Variants in KCNH1 observed in about 807,000 individuals in gnomAD.
KCNH1 encodes potassium voltage-gated channel subfamily H member 1, also known as voltage-gated delayed rectifier potassium channel KCNH1.
Under a neutral mutation model 69.2 loss-of-function variants are expected in KCNH1, and 27 were observed. The ratio of observed to expected loss-of-function variants is 0.39; its 90% CI spans 0.29 to 0.54. The LOEUF (loss-of-function observed/expected upper bound fraction) is 0.54, where lower values mean the gene tolerates loss of function less well. Among genes scored for constraint, KCNH1 ranks in the 20% least tolerant of loss-of-function variants. The pLI is 0.68. For missense variants in KCNH1, 798 were observed against 1,261.6 expected (o/e 0.63, Z 5.57); for synonymous variants, 456 against 487.7 (o/e 0.93, Z 0.86).
At chr1:210,800,345 C>T (rs1003306424) in intron 8 of KCNH1, among the ~76,000 whole-genome samples, 3 of 152,242 alleles carry the variant, frequency 2.0e-5, no homozygotes, top group Middle Eastern at 3.2e-3. Context: ...GGAGCACTCA[C>T]ACGCCATGTC....
chr1:210,736,314 C>T (rs1212583059), intron 10 of KCNH1, among the ~76,000 whole-genome samples: 5 of 151,982 alleles, frequency 3.3e-5, no homozygotes, highest in Non-Finnish European at 7.4e-5. Context: ...CTTGGGAGGC[C>T]GAGACAGGTG....
At chr1:210,837,453 AATAGGG>A (rs1301402136) in intron 7 of KCNH1, among the ~76,000 whole-genome samples, 1 of 152,220 alleles carries the variant, frequency 6.6e-6, no homozygotes, top group Non-Finnish European at 1.5e-5. Flanking sequence ...CCTGGCACAT[AATAGGG>A]ACTCAGCAAA....
chr1:210,973,646 T>C (rs923438475), intron 6 of KCNH1, among the ~76,000 whole-genome samples: 2 of 152,160 alleles, frequency 1.3e-5, no homozygotes, highest in Admixed American at 6.6e-5. Context: ...GTAGGTATAG[T>C]ATATATAATT....
chr1:210,771,132 A>G (rs1683745529), intron 10 of KCNH1, among the ~76,000 whole-genome samples: 1 of 152,246 alleles, frequency 6.6e-6, no homozygotes, highest in Non-Finnish European at 1.5e-5. Context: ...GATTACAGAC[A>G]CAAGATGATT....
At chr1:211,077,102 G>A (rs1690747416) in intron 5 of KCNH1, among the ~76,000 whole-genome samples, 1 of 152,146 alleles carries the variant, frequency 6.6e-6, no homozygotes, top group Non-Finnish European at 1.5e-5. Context: ...AAGAAATATG[G>A]CACTATGTGA....
intron 6 of KCNH1, among the ~76,000 whole-genome samples, chr1:210,997,303 A>G (rs905172604): frequency 1.3e-5 from 2 of 152,222 alleles, no homozygotes; most frequent in African/African-American, 2.4e-5. Context: ...TAACCAACGC[A>G]GAGAAGTCCT....
chr1:210,825,447 T>TA lies in KCNH1; in HGVS notation c.1463-21282dup, dbSNP rs1340198956. Among the ~76,000 whole-genome samples, 4 of 152,352 alleles carry TA rather than the reference T, an allele frequency of 2.6e-5. No homozygotes were observed. In the East Asian group the frequency reaches 7.7e-4, roughly 29 times the overall value. On this transcript the variant is annotated intron_variant, in intron 7 of 10. Coordinates refer to ENST00000271751, the MANE Select transcript of KCNH1 (RefSeq NM_172362.3). ...CAGTGAAGAATACAGTGACTACTAA[T>TA]ACAGTTTGAAACTGCCTTAATTCAT...
intron 6 of KCNH1, among the ~76,000 whole-genome samples, chr1:210,945,019 C>T (rs138529653): frequency 3.3e-5 from 5 of 152,254 alleles, no homozygotes; most frequent in African/African-American, 1.2e-4. Flanking sequence ...AATGTTTGTC[C>T]TTTTGTGTCT....
intron 10 of KCNH1, among the ~76,000 whole-genome samples, chr1:210,754,724 C>G (rs1683356496): frequency 1.3e-5 from 2 of 152,096 alleles, no homozygotes; most frequent in African/African-American, 4.8e-5. Context: ...GATGCTGGCA[C>G]CATGCTTGTA....
chr1:210,982,221 T>TTTATTATTA (rs57676423), intron 6 of KCNH1, among the ~76,000 whole-genome samples: 25 of 131,110 alleles, frequency 1.9e-4, no homozygotes, highest in African/African-American at 5.7e-4. Context: ...CGAGAATACT[T>TTTATTATTA]TTATTATTAT....
chr1:210,752,092 G>A (rs1683296095), intron 10 of KCNH1, among the ~76,000 whole-genome samples: 1 of 152,162 alleles, frequency 6.6e-6, no homozygotes, highest in African/African-American at 2.4e-5. Flanking sequence ...GCCCAGTGGG[G>A]CAAAGGTATC....
At chr1:210,901,893 T>C (rs1210298271) in intron 7 of KCNH1, among the ~76,000 whole-genome samples, 2 of 152,170 alleles carry the variant, frequency 1.3e-5, no homozygotes, top group Non-Finnish European at 2.9e-5. Flanking sequence ...CTCCTATAGC[T>C]TGGAATCCTT....
intron 1 of KCNH1, among the ~76,000 whole-genome samples, chr1:211,126,543 C>T (rs1267499097): frequency 2.6e-5 from 4 of 151,224 alleles, no homozygotes; most frequent in Non-Finnish European, 4.4e-5. Flanking sequence ...GGTGTGGTGG[C>T]ACATGCCTGT....
intron 10 of KCNH1, among the ~76,000 whole-genome samples, chr1:210,767,086 T>C (rs538673118): frequency 6.6e-6 from 1 of 152,136 alleles, no homozygotes; most frequent in East Asian, 1.9e-4. Flanking sequence ...GAACAATAAA[T>C]AGGAAAAAGG....
At chr1:211,054,370 C>T (rs6679835) in intron 5 of KCNH1, among the ~76,000 whole-genome samples, 33,706 of 151,812 alleles carry the variant, frequency 0.22, 3,902 homozygotes, top group Non-Finnish European at 0.25. Context: ...TTCAGAGAGA[C>T]GGAATAAATA....
intron 6 of KCNH1, among the ~76,000 whole-genome samples, chr1:210,950,785 A>G (rs1265315722): frequency 1.3e-5 from 2 of 152,180 alleles, no homozygotes; most frequent in East Asian, 1.9e-4. Flanking sequence ...CAAGAACTCT[A>G]TGAAGTATGT....
At chr1:210,833,556 C>T (rs931027956) in intron 7 of KCNH1, among the ~76,000 whole-genome samples, 7 of 152,090 alleles carry the variant, frequency 4.6e-5, no homozygotes, top group East Asian at 1.9e-4. Flanking sequence ...AAGACTTAAA[C>T]GTTAGACCTA....
chr1:211,017,744 T>C (rs1689517536), intron 6 of KCNH1, among the ~76,000 whole-genome samples: 1 of 151,356 alleles, frequency 6.6e-6, no homozygotes, highest in Non-Finnish European at 1.5e-5. Context: ...ACTTAGAGTA[T>C]TTCCTAATTC....
intron 5 of KCNH1, among the ~76,000 whole-genome samples, chr1:211,069,190 G>T (rs1690588646): frequency 6.6e-6 from 1 of 151,974 alleles, no homozygotes; most frequent in Non-Finnish European, 1.5e-5. Context: ...AGGGGTGAGG[G>T]GAGGAATGAA....
Sources: gnomAD v4.1 joint callset for allele counts (sites outside exome capture counted in the v4.1 genomes callset) on GRCh38, gnomAD v4.1.1 for gene constraint, MANE v1.5 for transcripts, NCBI Gene and HGNC (gene_info 2026-07-23, HGNC 2026-07-21) for gene names.